SLC26A7: variants seen among roughly 807,000 people sequenced by gnomAD.
SLC26A7 encodes the protein anion exchange transporter.
Under a neutral mutation model 82.5 loss-of-function variants are expected in SLC26A7, and 59 were observed. That is an observed-to-expected ratio of 0.72 (90% CI 0.58 to 0.89). The LOEUF (loss-of-function observed/expected upper bound fraction) is 0.89. SLC26A7 is among the 40% of genes least tolerant of loss of function. The pLI, the probability that SLC26A7 is intolerant of heterozygous loss-of-function variation, is 0.00. For missense variants in SLC26A7, 820 were observed against 793.0 expected, an observed-to-expected ratio of 1.03 and a Z score of -0.41; for synonymous variants, 271 against 274.3, an observed-to-expected ratio of 0.99 and a Z score of 0.12.
chr8:91,356,232 T>G (rs188647868), intron 11 of SLC26A7, among the ~76,000 whole-genome samples: 4,926 of 152,180 alleles, frequency 0.032, 113 homozygotes, highest in Non-Finnish European at 0.051. Context: ...ATAATCCTTT[T>G]GGTATATACC....
chr8:91,283,672 G>GT (rs1472118965), intron 2 of SLC26A7, among the ~76,000 whole-genome samples: 5 of 152,130 alleles, frequency 3.3e-5, no homozygotes, highest in African/African-American at 1.2e-4. Context: ...CTAGGCTTAA[G>GT]TTTTTAAATG....
chr8:91,365,115 A>C (rs1463357104), intron 13 of SLC26A7, among the ~76,000 whole-genome samples: 1 of 152,184 alleles, frequency 6.6e-6, no homozygotes, highest in African/African-American at 2.4e-5. Context: ...AACCCCACTG[A>C]TAATTTCTTT....
At chr8:91,258,050 C>A (rs1306163728) in intron 2 of SLC26A7, among the ~76,000 whole-genome samples, 2 of 151,978 alleles carry the variant, frequency 1.3e-5, no homozygotes, top group Non-Finnish European at 2.9e-5. Flanking sequence ...ATGAGAACAG[C>A]ATGGGGGAAA....
At chr8:91,225,744 C>G (rs1209403083) in intron 2 of SLC26A7, among the ~76,000 whole-genome samples, 3 of 138,262 alleles carry the variant, frequency 2.2e-5, no homozygotes, top group Non-Finnish European at 4.6e-5. Context: ...AAATTTTATC[C>G]ATCCATCTAT....
chr8:91,228,389 G>T (rs575916958), intron 2 of SLC26A7, among the ~76,000 whole-genome samples: 1 of 152,286 alleles, frequency 6.6e-6, no homozygotes, highest in East Asian at 1.9e-4. Context: ...GGCCATCCAC[G>T]GGCAGCTGAG....
At chr8:91,361,126 A>G (rs199610940) in intron 11 of SLC26A7, among the ~76,000 whole-genome samples, 1 of 152,266 alleles carries the variant, frequency 6.6e-6, no homozygotes, top group East Asian at 1.9e-4. Context: ...GTCCTACATC[A>G]AAAGGAATTT....
At chr8:91,288,572 A>G (rs1811773698) in intron 2 of SLC26A7, among the ~76,000 whole-genome samples, 1 of 151,296 alleles carries the variant, frequency 6.6e-6, no homozygotes, top group Non-Finnish European at 1.5e-5. Context: ...AATATAAGCC[A>G]AGGTCCCATT....
chr8:91,214,471 A>G (rs1043597146), intron 1 of SLC26A7, among the ~76,000 whole-genome samples: 4 of 152,214 alleles, frequency 2.6e-5, no homozygotes, highest in Non-Finnish European at 5.9e-5. Context: ...CTATTAAGCT[A>G]TAATAGAAAC....
At chr8:91,319,408 A>C (rs751258276) in intron 5 of SLC26A7, among the ~76,000 whole-genome samples, 5 of 152,234 alleles carry the variant, frequency 3.3e-5, no homozygotes, top group Non-Finnish European at 5.9e-5. Context: ...TGTGAAAAAA[A>C]TGGTATCACT....
chr8:91,222,429 C>T (rs1199418322), intron 2 of SLC26A7, among the ~76,000 whole-genome samples: 1 of 152,162 alleles, frequency 6.6e-6, no homozygotes, highest in Non-Finnish European at 1.5e-5. Flanking sequence ...TGAGAGAAGG[C>T]ATCCTTGTCT....
At chr8:91,234,029 A>G (rs1414343764) in intron 2 of SLC26A7, among the ~76,000 whole-genome samples, 1 of 152,246 alleles carries the variant, frequency 6.6e-6, no homozygotes, top group Non-Finnish European at 1.5e-5. Flanking sequence ...CAGAGGTAGA[A>G]AACTGAAACA....
In SLC26A7 at chr8:91,295,660, TC is replaced by T; in HGVS notation, c.436del (p.His146ThrfsTer12). 6.2e-7 allele frequency: 1 copy of T among 1,614,058 alleles called. No individual in the cohort carries two copies. Among genetic ancestry groups the T allele is most frequent in the Non-Finnish European group, 8.5e-7 (1 of 1,179,966 alleles). ...TTATCCGACTTTGAAATGCAAAGGA[TC>T]CACGTTGCTGCAGCAGTTTCCTTCT... The part of the protein sequence containing the change: ...LGLSDFEMQR[I>X]HVAAAVSFLG... On this transcript the variant is annotated frameshift_variant, in exon 4 of 19. Coordinates refer to ENST00000276609, the MANE Select transcript of SLC26A7 (RefSeq NM_052832.4). LOFTEE classifies it high-confidence loss of function.
intron 15 of SLC26A7, among the ~76,000 whole-genome samples, chr8:91,377,776 A>G (rs1206933438): frequency 1.3e-5 from 2 of 151,808 alleles, no homozygotes; most frequent in African/African-American, 4.8e-5. Flanking sequence ...TTTTCCGTGA[A>G]CTCTGAGTTC....
At chr8:91,360,543 C>A (rs1470330821) in intron 11 of SLC26A7, among the ~76,000 whole-genome samples, 1 of 152,020 alleles carries the variant, frequency 6.6e-6, no homozygotes, top group East Asian at 1.9e-4. Context: ...ATAAATGTAG[C>A]CCCAGGAAAT....
At chr8:91,278,151 G>T (rs896972116) in intron 2 of SLC26A7, among the ~76,000 whole-genome samples, 5 of 152,074 alleles carry the variant, frequency 3.3e-5, no homozygotes, top group African/African-American at 1.2e-4. Flanking sequence ...TTCCTTGGGT[G>T]CTCCTCTGAG....
intron 2 of SLC26A7, among the ~76,000 whole-genome samples, chr8:91,261,432 G>C (rs536595436): frequency 1.3e-5 from 2 of 152,178 alleles, no homozygotes; most frequent in African/African-American, 4.8e-5. Context: ...AGTTTGTGGA[G>C]TATTGGTTTC....
At chr8:91,234,529 C>T (rs991150224) in intron 2 of SLC26A7, among the ~76,000 whole-genome samples, 13 of 151,336 alleles carry the variant, frequency 8.6e-5, no homozygotes, top group Non-Finnish European at 1.3e-4. Context: ...TAGTGAAAGA[C>T]ACCTGTCTTT....
chr8:91,243,687 C>T (rs981039242), intron 2 of SLC26A7, among the ~76,000 whole-genome samples: 2 of 152,148 alleles, frequency 1.3e-5, no homozygotes, highest in African/African-American at 2.4e-5. Flanking sequence ...TAGGAACTCA[C>T]ATAGTTTCCA....
chr8:91,334,166 A>G, intron 5 of SLC26A7, 129 bp from the exon 6 acceptor site: 3 of 833,252 alleles, frequency 3.6e-6, no homozygotes, highest in Non-Finnish European at 5.5e-6. Context: ...CCGCCTACCT[A>G]TATCTTTCCT....
Sources: allele counts gnomAD v4.1 joint callset (sites outside exome capture counted in the v4.1 genomes callset), GRCh38; gene constraint gnomAD v4.1.1; transcripts MANE v1.5; gene names NCBI Gene and HGNC (gene_info 2026-07-23, HGNC 2026-07-21).